Variants in ATP13A2 observed in about 807,000 individuals in gnomAD.
ATP13A2 encodes polyamine-transporting ATPase 13A2.
Under a neutral mutation model 138.3 loss-of-function variants are expected in ATP13A2, and 83 were observed. The ratio of observed to expected loss-of-function variants is 0.60; its 90% CI spans 0.50 to 0.72. The LOEUF (loss-of-function observed/expected upper bound fraction) is 0.72. Among genes scored for constraint, ATP13A2 ranks in the 30% least tolerant of loss-of-function variants. The pLI is 0.00. For synonymous variants in ATP13A2, 663 were observed against 699.0 expected (o/e 0.95, Z 0.81); for missense variants, 1,402 against 1,606.4 (o/e 0.87, Z 2.17).
At chr1:17,000,608 GC>G (rs2077320885) in intron 8 of ATP13A2, 74 bp from the exon 9 acceptor site, 4 of 1,559,478 alleles carry the variant, frequency 2.6e-6, no homozygotes, top group South Asian at 2.3e-5. Flanking sequence ...GGTCTCCTGT[GC>G]CCATGGGAGC....
intron 3 of ATP13A2, 57 bp downstream of exon 3, chr1:17,005,316 AC>A: frequency 1.3e-6 from 2 of 1,551,812 alleles, no homozygotes; most frequent in East Asian, 2.4e-5. Context: ...AGCATCCTCC[AC>A]CCCCGACCCT....
In ATP13A2 at chr1:16,993,661, TG is replaced by T; in HGVS notation, c.1716del (p.Met573TrpfsTer3). On this transcript the variant is annotated frameshift_variant, in exon 16 of 29. Transcript: ENST00000326735. LOFTEE classifies it high-confidence loss of function. ...SRLQDTPVGD[P>X]MDLKMVESTG... Reference sequence around the variant, plus strand: ...GTAGACTCCACCATCTTCAAGTCCATGGGGTCGCCCACGGGGGTGTCCTGGA... The same window carrying T: ...GTAGACTCCACCATCTTCAAGTCCATGGGTCGCCCACGGGGGTGTCCTGGA... 1 of 1,593,794 alleles carries T rather than the reference TG, an allele frequency of 6.3e-7. No individual in the cohort carries two copies. The highest frequency in any genetic ancestry group is 8.5e-7 in the Non-Finnish European group (1 of 1,170,640).
At chr1:16,994,275 C>A in intron 15 of ATP13A2, among the ~76,000 whole-genome samples, 1 of 151,910 alleles carries the variant, frequency 6.6e-6, no homozygotes, top group East Asian at 1.9e-4. Flanking sequence ...CTCTGTCGCC[C>A]GCGCTGGAGT....
intron 1 of ATP13A2, among the ~76,000 whole-genome samples, chr1:17,006,122 G>A (rs1410365261): frequency 6.6e-6 from 1 of 152,154 alleles, no homozygotes; most frequent in Admixed American, 6.6e-5. Flanking sequence ...GCAACAGAGT[G>A]AGACTCCATC....
intron 1 of ATP13A2, among the ~76,000 whole-genome samples, chr1:17,006,572 G>A (rs1283071239): frequency 1.3e-5 from 2 of 152,032 alleles, no homozygotes; most frequent in African/African-American, 2.4e-5. Flanking sequence ...GTTTCCTTGC[G>A]TGTGTCGGTC....
chr1:17,005,624 C>A, intron 2 of ATP13A2, 60 bp downstream of exon 2: 1 of 1,612,908 alleles, frequency 6.2e-7, no homozygotes, highest in South Asian at 1.1e-5. Flanking sequence ...GTTGGGGTGT[C>A]TGGGTGGGCC....
In ATP13A2 at chr1:16,995,558, C is replaced by T. The variant is rs1227248708; in HGVS notation, c.1542+418G>A. 1.2e-5 allele frequency: 4 copies of T among 330,052 alleles called. No homozygotes were observed. In the Admixed American group the frequency reaches 1.7e-4, roughly 14 times the overall value. The allele number at this position is 330,052 out of a possible 1,614,324, so 20.4% of individuals were successfully genotyped here. A position where few individuals can be genotyped will look rare whatever the true frequency, so the allele number is the denominator to read the frequency against. ...GCTCACTGCAACCTCTGCGATTCTCCTGCCTCAGCCTCCCGAGTAGCTGGG... is the reference window on the plus strand; with the variant it reads ...GCTCACTGCAACCTCTGCGATTCTCTTGCCTCAGCCTCCCGAGTAGCTGGG... On this transcript the variant is annotated intron_variant, in intron 15 of 28. Transcript: ENST00000326735. The surrounding 1 kb of genome is among the most constrained non-coding windows in gnomAD (Gnocchi z 4.1).
At chr1:17,010,386 C>T (rs1158700055) in intron 1 of ATP13A2, among the ~76,000 whole-genome samples, 1 of 152,182 alleles carries the variant, frequency 6.6e-6, no homozygotes. Context: ...CCTGTCATTG[C>T]TCTTCTGATG....
rs2077096863 is a variant in ATP13A2 at position 16,995,791 on chromosome 1, A to G, written c.1542+185T>C. The G allele has an allele frequency of 7.6e-6, 6 of 785,206 alleles. No homozygotes were observed. Among genetic ancestry groups the G allele is most frequent in the East Asian group, 2.7e-5 (1 of 37,412 alleles). The allele number at this position is 785,206 out of a possible 1,614,324, so 48.6% of individuals were successfully genotyped here. A position where few individuals can be genotyped will look rare whatever the true frequency, so the allele number is the denominator to read the frequency against. On this transcript the variant is annotated intron_variant, in intron 15 of 28. Transcript: ENST00000326735. The surrounding 1 kb of genome is among the most constrained non-coding windows in gnomAD (Gnocchi z 4.1). ...ATGAATACATGATTCTAGACATTTC[A>G]TCTGCCAGACCGTGAGCCCAGTGAG...
rs1393744074 is a variant in ATP13A2 at position 17,004,808 on chromosome 1, GGGAC to G, written c.357_360del (p.Ser120HisfsTer35). ...CGGCCATCCTCTGCCTGGGACTGTG[GGGAC>G]GGCTCCAGGCTGGGGAAGCAGGTGA... On this transcript the variant is annotated frameshift_variant, in exon 5 of 29. Transcript: ENST00000326735. LOFTEE classifies it high-confidence loss of function. The surrounding 1 kb of genome is among the most constrained non-coding windows in gnomAD (Gnocchi z 4.1). 2 of 1,613,828 alleles carry G rather than the reference GGGAC, an allele frequency of 1.2e-6. No homozygotes were observed. Among genetic ancestry groups the G allele is most frequent in the African/African-American group, 2.7e-5 (2 of 74,936 alleles).
In ATP13A2 at chr1:17,005,546, C is replaced by G. The variant is rs1168556655; in HGVS notation, c.116G>C (p.Gly39Ala). 6.2e-7 allele frequency: 1 copy of G among 1,614,120 alleles called. No homozygotes were observed. ...GACCCTCCATGGACTGCCACAGTAG[C>G]CGCTGAGCCTCTGCGAACGCAGCGA... Reference protein sequence around the residue: ...SSSVSSVRLSGYCGSPWRVIG... With the variant: ...SSSVSSVRLSAYCGSPWRVIG... The change falls in exon 3 of 29, where the codon GGC (glycine) becomes GCC (alanine). Residue 39 changes from glycine to alanine, a missense_variant. Transcript: ENST00000326735.
rs774630886 is a variant in ATP13A2 at position 16,996,360 on chromosome 1, AGAG to A, written c.1306+23_1306+25del. On this transcript the variant is annotated intron_variant, in intron 13 of 28. Coordinates refer to ENST00000326735, the MANE Select transcript of ATP13A2 (RefSeq NM_022089.4). ...GACCCAGGTGGGGGGGGCTATGGGCAGAGGAGGGTGCAGGGGGCCACTCACCCA... is the reference window on the plus strand; with the variant it reads ...GACCCAGGTGGGGGGGGCTATGGGCAGAGGGTGCAGGGGGCCACTCACCCA... 8 of 1,613,476 alleles carry A rather than the reference AGAG, an allele frequency of 5.0e-6. No homozygotes were observed. The South Asian group carries it at 6.6e-5, about 13-fold the overall frequency.
chr1:17,004,243 G>A lies in ATP13A2; in HGVS notation c.557+89C>T. The stretch of plus-strand genomic sequence containing the variant: ...ACAGCAAAAGCATCAGAGCTGAGAG[G>A]GGAGCCCAGGCCATGCCATGCCACC... On this transcript the variant is annotated intron_variant, in intron 6 of 28. Coordinates refer to ENST00000326735, the MANE Select transcript of ATP13A2 (RefSeq NM_022089.4). This position sits in a 1 kb window ranked among gnomAD's most constrained non-coding sequence, Gnocchi z 4.1. 1 of 1,358,578 alleles carries A rather than the reference G, an allele frequency of 7.4e-7. No individual in the cohort carries two copies. The allele number at this position is 1,358,578 out of a possible 1,614,324, so 84.2% of individuals were successfully genotyped here. A position where few individuals can be genotyped will look rare whatever the true frequency, so the allele number is the denominator to read the frequency against.
rs1184644373 is a variant in ATP13A2, at chr1:17,011,715, G to A, written c.10+14C>T. 5 of 1,488,304 alleles carry A rather than the reference G, an allele frequency of 3.4e-6. No homozygotes were observed. Among genetic ancestry groups the A allele is most frequent in the Non-Finnish European group, 4.4e-6 (5 of 1,126,056 alleles). The allele number at this position is 1,488,304 out of a possible 1,614,324, so 92.2% of individuals were successfully genotyped here. A position where few individuals can be genotyped will look rare whatever the true frequency, so the allele number is the denominator to read the frequency against. ...CCGCGCCGGGCTCGGGGCCGACCCG[G>A]ACTCCGCACTCACCTGCGCTCATGC... On this transcript the variant is annotated intron_variant, in intron 1 of 28. Transcript: ENST00000326735. The surrounding 1 kb of genome is among the most constrained non-coding windows in gnomAD (Gnocchi z 7.3).
At chr1:16,991,678 T>C (rs1047502274) in intron 20 of ATP13A2, 56 bp downstream of exon 20, 14 of 1,613,318 alleles carry the variant, frequency 8.7e-6, no homozygotes, top group Non-Finnish European at 1.2e-5. Flanking sequence ...CCCTCTTCTC[T>C]GCCAGGAAGG....
At chr1:17,010,798 T>C (rs2077756131) in intron 1 of ATP13A2, among the ~76,000 whole-genome samples, 1 of 152,106 alleles carries the variant, frequency 6.6e-6, no homozygotes, top group Non-Finnish European at 1.5e-5. Context: ...TAGAGCCATT[T>C]GGGACCTCTT....
At chr1:17,005,253 G>A in intron 3 of ATP13A2, 121 bp downstream of exon 3, 15 of 1,476,366 alleles carry the variant, frequency 1.0e-5, no homozygotes, top group Non-Finnish European at 1.4e-5. Flanking sequence ...GTCCAGAGAA[G>A]AGCGGGACCT....
At chr1:17,009,399 T>TTC (rs1557724926) in intron 1 of ATP13A2, among the ~76,000 whole-genome samples, 1 of 149,336 alleles carries the variant, frequency 6.7e-6, no homozygotes, top group African/African-American at 2.5e-5. Flanking sequence ...TTTTTTTTTT[T>TTC]TTTTTTTTTT....
chr1:16,988,188 T>A lies in ATP13A2; in HGVS notation c.2809A>T (p.Met937Leu). Residue 937 changes from methionine (M) to leucine (L), a missense_variant, in exon 25 of 29, where the codon ATG (methionine) becomes TTG (leucine). Transcript: ENST00000326735. ...AACTGGGTCAGGCTGTACAGAGCCA[T>A]GTACTTGAAGACGCTGAACGAAGTG... is the stretch of plus-strand genomic sequence containing the variant. ...LDTSFSVFKY[M>L]ALYSLTQFIS... 6.2e-7 allele frequency: 1 copy of A among 1,614,154 alleles called. No individual in the cohort carries two copies. The highest frequency in any genetic ancestry group is 8.5e-7 in the Non-Finnish European group (1 of 1,180,028).
Sources: gnomAD v4.1 joint callset for allele counts (sites outside exome capture counted in the v4.1 genomes callset) on GRCh38, gnomAD v4.1.1 for gene constraint, Gnocchi (gnomAD v3.1) non-coding constraint, MANE v1.5 for transcripts, NCBI Gene and HGNC (gene_info 2026-07-23, HGNC 2026-07-21) for gene names.